Variants in PPP1CB observed in about 807,000 individuals in gnomAD.
The protein encoded by PPP1CB is protein phosphatase 1 catalytic subunit beta.
In PPP1CB, 2 loss-of-function variants were observed where a neutral mutation model predicts 43.7. The observed-to-expected ratio is 0.05, with a 90% CI of 0.02 to 0.14. The LOEUF (loss-of-function observed/expected upper bound fraction) is 0.14. PPP1CB is among the 10% of genes least tolerant of loss of function. The probability of loss-of-function intolerance (pLI) is 1.00; values close to 1 mark genes in which losing one functional copy is unlikely to be tolerated. For missense variants in PPP1CB, 84 were observed against 398.0 expected (o/e 0.21, Z 6.71); for synonymous variants, 136 against 135.6 (o/e 1.00, Z -0.02).
intron 1 of PPP1CB, among the ~76,000 whole-genome samples, chr2:28,757,826 A>T (rs1364188227): frequency 6.6e-6 from 1 of 152,100 alleles, no homozygotes; most frequent in Non-Finnish European, 1.5e-5. Flanking sequence ...ATCTGAATGC[A>T]GACCTGGAGC....
chr2:28,779,753 A>G (rs769201269), intron 3 of PPP1CB, among the ~76,000 whole-genome samples: 10 of 152,074 alleles, frequency 6.6e-5, no homozygotes, highest in East Asian at 1.9e-4. Flanking sequence ...CTTTTTTTCA[A>G]TCCTTAATTA....
In PPP1CB at chr2:28,754,443, C is replaced by T. The variant is rs371180904; in HGVS notation, c.52+2267C>T. ...CTCCTCCTTGCCAGGCACCAGCAAT[C>T]CTAAGATAAGACACAGTCTCTTCAC... On this transcript the variant is annotated intron_variant, in intron 1 of 7. Transcript: ENST00000395366. Among the ~76,000 whole-genome samples the T allele has an allele frequency of 7.8e-4, 119 of 152,260 alleles. No homozygotes were observed. The South Asian group carries it at 0.023, about 29-fold the overall frequency.
chr2:28,761,894 C>A (rs1666664311), intron 1 of PPP1CB, among the ~76,000 whole-genome samples: 1 of 152,168 alleles, frequency 6.6e-6, no homozygotes. Context: ...CTCTTACACT[C>A]AAATTCTCCA....
At chr2:28,784,483 T>C (rs6742291) in intron 5 of PPP1CB, among the ~76,000 whole-genome samples, 86,120 of 151,844 alleles carry the variant, frequency 0.57, 24,936 homozygotes, top group Middle Eastern at 0.64. Flanking sequence ...AGGCTGGCCT[T>C]GAATTCCTAG....
Position 28,781,976 on chromosome 2 carries a change from A to C in PPP1CB, c.520+134A>C, listed in dbSNP as rs564886346. On this transcript the variant is annotated intron_variant, in intron 4 of 7. Transcript: ENST00000395366. ...TCAAGTGATTAAAACTGTTTTAAAC[A>C]TGGCTAAACCTCTTTTAAAAATTAG... 4 of 698,504 alleles carry C rather than the reference A, an allele frequency of 5.7e-6. No individual in the cohort carries two copies. The East Asian group carries it at 1.1e-4, about 19-fold the overall frequency. The allele number at this position is 698,504 out of a possible 1,614,324, so 43.3% of individuals were successfully genotyped here.
chr2:28,778,870 A>G lies in PPP1CB; in HGVS notation c.246A>G (p.Pro82=). ...LRLFEYGGFP[P]EANYLFLGDY... is the part of the protein sequence containing the mutation. Reference sequence around the variant, plus strand: ...TATTTGAATATGGAGGTTTCCCACCAGAAGCCAACTATCTTTTCTTAGGAG... The same window carrying G: ...TATTTGAATATGGAGGTTTCCCACCGGAAGCCAACTATCTTTTCTTAGGAG... The change falls in exon 3 of 8, where the codon CCA becomes CCG. Residue 82 remains proline (P), a synonymous_variant. Coordinates refer to ENST00000395366, the MANE Select transcript of PPP1CB (RefSeq NM_002709.3). 1.2e-6 allele frequency: 2 copies of G among 1,608,498 alleles called. No homozygotes were observed. The highest frequency in any genetic ancestry group is 1.7e-6 in the Non-Finnish European group (2 of 1,174,864).
chr2:28,792,482 A>T (rs1667409295), intron 6 of PPP1CB, among the ~76,000 whole-genome samples: 1 of 152,168 alleles, frequency 6.6e-6, no homozygotes, highest in African/African-American at 2.4e-5. Context: ...AGATTGCACC[A>T]CTACACTCCA....
At chr2:28,751,793 G>T, upstream of PPP1CB, 1 of 416,096 alleles carries the variant, frequency 2.4e-6, no homozygotes, top group Non-Finnish European at 4.4e-6. Context: ...AGTGAGTGGC[G>T]CTGCGGGTGG....
chr2:28,781,138 A>G (rs976853915), intron 3 of PPP1CB, among the ~76,000 whole-genome samples: 6 of 152,162 alleles, frequency 3.9e-5, no homozygotes, highest in Non-Finnish European at 7.4e-5. Context: ...ATCTTAAAAG[A>G]CAAAAATTGT....
intron 1 of PPP1CB, among the ~76,000 whole-genome samples, chr2:28,763,675 T>G (rs996293625): frequency 6.6e-6 from 1 of 151,108 alleles, no homozygotes; most frequent in Non-Finnish European, 1.5e-5. Flanking sequence ...ACAGAGCCAC[T>G]AAAGGCCATT....
chr2:28,786,015 A>G (rs1667259178), intron 5 of PPP1CB, among the ~76,000 whole-genome samples: 1 of 152,098 alleles, frequency 6.6e-6, no homozygotes, highest in African/African-American at 2.4e-5. Flanking sequence ...TTGATCTTTG[A>G]TAGTGTCTGC....
intron 5 of PPP1CB, among the ~76,000 whole-genome samples, chr2:28,787,998 T>C (rs941618866): frequency 6.6e-6 from 1 of 152,034 alleles, no homozygotes; most frequent in Non-Finnish European, 1.5e-5. Context: ...TAAAAAAAAA[T>C]CCTCAGGGTC....
intron 1 of PPP1CB, among the ~76,000 whole-genome samples, chr2:28,765,225 T>C (rs949334578): frequency 2.0e-5 from 3 of 152,214 alleles, no homozygotes; most frequent in Admixed American, 6.5e-5. Context: ...TTTTGCTTAA[T>C]TGAGATTCAA....
In PPP1CB at chr2:28,751,896, G is replaced by A. The variant is rs969915882; in HGVS notation, c.-229G>A. ...GGTCTGACGCGGCCCTGTTCGAGGGGGCCTCTCTTGTTTATTTATTTATTT... is the reference window on the plus strand; with the variant it reads ...GGTCTGACGCGGCCCTGTTCGAGGGAGCCTCTCTTGTTTATTTATTTATTT... On this transcript the variant is annotated 5_prime_UTR_variant, in exon 1 of 8. Transcript: ENST00000395366. The A allele has an allele frequency of 1.3e-5, 8 of 607,286 alleles. No homozygotes were observed. The highest frequency in any genetic ancestry group is 2.1e-5 in the Non-Finnish European group (7 of 334,302). 37.6% of individuals were successfully genotyped at this position (607,286 alleles called of 1,614,324 possible).
chr2:28,776,549 C>T (rs926927725), intron 1 of PPP1CB, among the ~76,000 whole-genome samples: 2 of 152,068 alleles, frequency 1.3e-5, no homozygotes, highest in Non-Finnish European at 2.9e-5. Flanking sequence ...CATGAGCCAC[C>T]GTGCCCGGCC....
intron 1 of PPP1CB, among the ~76,000 whole-genome samples, chr2:28,773,257 T>C (rs1666953046): frequency 6.6e-6 from 1 of 152,242 alleles, no homozygotes. Context: ...GGATTTTATC[T>C]GGTCTGAAAT....
chr2:28,799,911 C>T lies in PPP1CB; in HGVS notation c.*608C>T, dbSNP rs371707784. The T allele has an allele frequency of 5.9e-5, 9 of 152,462 alleles. No homozygotes were observed. In the East Asian group the frequency reaches 7.7e-4, roughly 13 times the overall value. 9.4% of individuals were successfully genotyped at this position (152,462 alleles called of 1,614,324 possible). A position where few individuals can be genotyped will look rare whatever the true frequency, so the allele number is the denominator to read the frequency against. On this transcript the variant is annotated 3_prime_UTR_variant, in exon 8 of 8. Transcript: ENST00000395366. ...AGATTGATTGTTTTAAAAAAAAATA[C>T]GCACATTGTCCAATCCAGTGATTTT...
intron 1 of PPP1CB, among the ~76,000 whole-genome samples, chr2:28,773,579 G>A (rs1417268698): frequency 2.0e-5 from 3 of 152,216 alleles, no homozygotes; most frequent in Non-Finnish European, 2.9e-5. Flanking sequence ...TAATCCAGCA[G>A]CGTTCAGATA....
intron 1 of PPP1CB, among the ~76,000 whole-genome samples, chr2:28,752,644 G>GTA (rs776130339): frequency 2.4e-4 from 36 of 152,114 alleles, no homozygotes; most frequent in East Asian, 7.7e-4. Flanking sequence ...TGAATTTTAC[G>GTA]TATATATATA....
Sources: allele counts gnomAD v4.1 joint callset (sites outside exome capture counted in the v4.1 genomes callset), GRCh38; gene constraint gnomAD v4.1.1; transcripts MANE v1.5; gene names NCBI Gene and HGNC (gene_info 2026-07-23, HGNC 2026-07-21).